IGF2R: variants seen among roughly 807,000 people sequenced by gnomAD.
IGF2R encodes cation-independent mannose-6-phosphate receptor.
A neutral mutation model predicts 270.6 loss-of-function variants in IGF2R; 91 were observed. The ratio of observed to expected loss-of-function variants is 0.34; its 90% CI spans 0.28 to 0.40. The LOEUF is 0.40. Ranked by LOEUF, IGF2R falls within the 10% of genes least tolerant of loss-of-function variation. The probability of loss-of-function intolerance (pLI) is 1.00; values close to 1 mark genes in which losing one functional copy is unlikely to be tolerated. For missense variants in IGF2R, 2,805 were observed against 3,188.3 expected (o/e 0.88, Z 2.90); for synonymous variants, 1,316 against 1,258.9 (o/e 1.05, Z -0.96).
chr6:160,089,803 C>G (rs1367043914), intron 43 of IGF2R, 113 bp from the exon 44 acceptor site: 9 of 662,650 alleles, frequency 1.4e-5, no homozygotes, highest in Admixed American at 9.6e-5. Flanking sequence ...CTTCCTTTCC[C>G]TAGGAAAGGA....
intron 2 of IGF2R, among the ~76,000 whole-genome samples, chr6:160,002,201 G>T (rs1738661984): frequency 6.6e-6 from 1 of 152,022 alleles, no homozygotes; most frequent in Admixed American, 6.6e-5. Context: ...GACCAGCTTG[G>T]ACAACATAGT....
chr6:159,980,286 A>T (rs1481363941), intron 1 of IGF2R, among the ~76,000 whole-genome samples: 1 of 152,052 alleles, frequency 6.6e-6, no homozygotes, highest in East Asian at 1.9e-4. Context: ...GAACTATGAG[A>T]TCCCTAGGTG....
intron 13 of IGF2R, among the ~76,000 whole-genome samples, chr6:160,045,543 T>C (rs2115246775): frequency 6.6e-6 from 1 of 152,334 alleles, no homozygotes; most frequent in Non-Finnish European, 1.5e-5. Context: ...CTTCTACTTT[T>C]TGTCTCTACG....
intron 39 of IGF2R, among the ~76,000 whole-genome samples, chr6:160,081,201 G>A (rs1269486187): frequency 2.6e-5 from 4 of 151,896 alleles, no homozygotes; most frequent in Admixed American, 6.6e-5. Context: ...ATTTTTCAAC[G>A]TAGGTTCTTT....
chr6:160,045,655 T>C (rs1326097699), intron 13 of IGF2R, 90 bp from the exon 14 acceptor site: 2 of 1,523,470 alleles, frequency 1.3e-6, no homozygotes, highest in Non-Finnish European at 1.8e-6. Context: ...CCACTGTCCC[T>C]TCCAAGTCTA....
Position 159,994,982 on chromosome 6 carries a change from A to G in IGF2R, c.289+3659A>G, listed in dbSNP as rs140759756. ...TTAATCCTGAGTCCAATTTAAGTTC[A>G]GTGTTTTATTGTTGATTTTCTGTGT... is the stretch of plus-strand genomic sequence containing the variant. On this transcript the variant is annotated intron_variant, in intron 2 of 47. Transcript: ENST00000356956. Among the ~76,000 whole-genome samples, 171 of 152,144 alleles carry G rather than the reference A, an allele frequency of 1.1e-3. 1 individual carries two copies. Among genetic ancestry groups the G allele is most frequent in the African/African-American group, 3.9e-3 (161 of 41,480 alleles).
intron 1 of IGF2R, among the ~76,000 whole-genome samples, chr6:159,983,546 A>G (rs1284892277): frequency 6.6e-6 from 1 of 152,174 alleles, no homozygotes; most frequent in African/African-American, 2.4e-5. Context: ...ATATGGTTAA[A>G]TTAATTGCCC....
At position 160,062,589 on chromosome 6, in the gene IGF2R, G is replaced by A. The variant is rs1335525047; in HGVS notation, c.3640G>A (p.Val1214Met). 1 of 1,613,824 alleles carries A rather than the reference G, an allele frequency of 6.2e-7. No individual in the cohort carries two copies. Among genetic ancestry groups the A allele is most frequent in the Non-Finnish European group, 8.5e-7 (1 of 1,179,840 alleles). The change falls in exon 26 of 48, where the codon GTG (valine) becomes ATG (methionine). Residue 1214 changes from valine to methionine, a missense_variant. This residue lies in a region of IGF2R where 1,851 missense variants were observed against 2,207.2 expected (regional missense o/e 0.84). Transcript: ENST00000356956. Reference protein sequence around the residue: ...GCEYVFIWRTVEACPVVRVEG... With the variant: ...GCEYVFIWRTMEACPVVRVEG... ...TGAGTACGTGTTTATCTGGAGAACT[G>A]TGGAAGCCTGTCCCGTTGTCAGAGT... is the stretch of plus-strand genomic sequence containing the variant.
At chr6:159,979,631 C>A (rs1783748395) in intron 1 of IGF2R, among the ~76,000 whole-genome samples, 1 of 152,154 alleles carries the variant, frequency 6.6e-6, no homozygotes, top group African/African-American at 2.4e-5. Flanking sequence ...TGTCACCAGG[C>A]CTTTCTGTAA....
intron 4 of IGF2R, among the ~76,000 whole-genome samples, chr6:160,012,689 G>A (rs1376475289): frequency 6.6e-6 from 1 of 151,270 alleles, no homozygotes; most frequent in Non-Finnish European, 1.5e-5. Flanking sequence ...CAAGATTTGA[G>A]TGGGGACACA....
intron 39 of IGF2R, among the ~76,000 whole-genome samples, chr6:160,083,466 C>T (rs1419351047): frequency 2.0e-5 from 3 of 152,322 alleles, no homozygotes; most frequent in South Asian, 4.1e-4. Context: ...TCCTCTTTTA[C>T]TAATCCACCT....
intron 5 of IGF2R, 24 bp downstream of exon 5, chr6:160,024,728 G>A (rs188164950): frequency 6.2e-7 from 1 of 1,611,478 alleles, no homozygotes; most frequent in African/African-American, 1.3e-5. Context: ...TGGGGCTGAG[G>A]GGGTGGTGGT....
intron 1 of IGF2R, among the ~76,000 whole-genome samples, chr6:159,972,149 G>A (rs1783618473): frequency 6.6e-6 from 1 of 151,868 alleles, no homozygotes; most frequent in African/African-American, 2.4e-5. Context: ...ATTTTATCGT[G>A]TCACCAAGGT....
chr6:159,991,402 G>A (rs937475828), intron 2 of IGF2R, 79 bp downstream of exon 2: 19 of 1,186,018 alleles, frequency 1.6e-5, no homozygotes, highest in African/African-American at 1.4e-4. Flanking sequence ...ATAGCTATAC[G>A]TATATAGCGA....
At chr6:160,083,541 A>G (rs1397252004) in intron 39 of IGF2R, among the ~76,000 whole-genome samples, 1 of 152,248 alleles carries the variant, frequency 6.6e-6, no homozygotes, top group Admixed American at 6.5e-5. Flanking sequence ...CCACGAGGCC[A>G]TATTTCAGAC....
At chr6:160,025,766 C>T (rs1777547046) in intron 5 of IGF2R, among the ~76,000 whole-genome samples, 1 of 152,052 alleles carries the variant, frequency 6.6e-6, no homozygotes, top group South Asian at 2.1e-4. Flanking sequence ...CAGTCTTTGT[C>T]TTAAATGGGT....
At chr6:160,044,349 G>A (rs1778017845) in intron 12 of IGF2R, among the ~76,000 whole-genome samples, 165 bp from the exon 13 acceptor site, 1 of 152,318 alleles carries the variant, frequency 6.6e-6, no homozygotes, top group Admixed American at 6.5e-5. Context: ...AAACCCATCC[G>A]CTGCCTTGGT....
intron 19 of IGF2R, among the ~76,000 whole-genome samples, chr6:160,055,591 G>A (rs1195598947): frequency 6.6e-6 from 1 of 152,122 alleles, no homozygotes; most frequent in Non-Finnish European, 1.5e-5. Flanking sequence ...AGTGGGTGGG[G>A]GCTTTCAAGG....
At chr6:159,971,906 G>A (rs765201702) in intron 1 of IGF2R, among the ~76,000 whole-genome samples, 27 of 152,174 alleles carry the variant, frequency 1.8e-4, no homozygotes, top group South Asian at 1.0e-3. Flanking sequence ...ATCTTCCTGC[G>A]TCAGCCTCCC....
Sources: allele counts gnomAD v4.1 joint callset (sites outside exome capture counted in the v4.1 genomes callset), GRCh38; gene constraint gnomAD v4.1.1; regional missense constraint gnomAD v4.1.1; transcripts MANE v1.5; gene names NCBI Gene and HGNC (gene_info 2026-07-23, HGNC 2026-07-21).